Variants in CPNE4 observed in about 807,000 individuals in gnomAD.
The protein encoded by CPNE4 is copine 4.
Under a neutral mutation model 67.9 loss-of-function variants are expected in CPNE4, and 25 were observed. That is an observed-to-expected ratio of 0.37 (90% CI 0.27 to 0.51). CPNE4 has a LOEUF of 0.51. Ranked by LOEUF, CPNE4 falls within the 20% of genes least tolerant of loss-of-function variation. CPNE4 has a pLI of 0.93. For synonymous variants in CPNE4, 242 were observed against 244.9 expected (o/e 0.99, Z 0.11); for missense variants, 464 against 690.8 (o/e 0.67, Z 3.68).
At chr3:131,843,993 G>A (rs906603309) in intron 2 of CPNE4, among the ~76,000 whole-genome samples, 1 of 152,186 alleles carries the variant, frequency 6.6e-6, no homozygotes, top group African/African-American at 2.4e-5. Flanking sequence ...GCTAGAAGAT[G>A]TGGGAAGCAT....
chr3:131,601,385 G>C, intron 7 of CPNE4, among the ~76,000 whole-genome samples: 1 of 152,134 alleles, frequency 6.6e-6, no homozygotes, highest in South Asian at 2.1e-4. Context: ...TGATGATATA[G>C]TGCAGGTGAT....
At chr3:131,671,727 A>T (rs2080423391) in intron 6 of CPNE4, among the ~76,000 whole-genome samples, 1 of 152,134 alleles carries the variant, frequency 6.6e-6, no homozygotes, top group South Asian at 2.1e-4. Flanking sequence ...AGAGGAGAGG[A>T]GGTTCTGGAA....
intron 3 of CPNE4, among the ~76,000 whole-genome samples, chr3:131,714,005 G>C (rs1237721747): frequency 6.6e-6 from 1 of 152,120 alleles, no homozygotes; most frequent in Non-Finnish European, 1.5e-5. Flanking sequence ...TCTGCTTGCA[G>C]TAATTCTGCA....
intron 4 of CPNE4, among the ~76,000 whole-genome samples, chr3:131,697,954 CA>C (rs1216291056): frequency 6.6e-6 from 1 of 151,986 alleles, no homozygotes; most frequent in African/African-American, 2.4e-5. Flanking sequence ...TAAATGGGGC[CA>C]GGGGCAGTGG....
At chr3:131,873,790 G>A (rs796233777) in intron 2 of CPNE4, among the ~76,000 whole-genome samples, 24 of 152,250 alleles carry the variant, frequency 1.6e-4, no homozygotes, top group African/African-American at 4.6e-4. Flanking sequence ...CCAGGACAGC[G>A]GGAAAGTGGT....
chr3:131,545,169 TTTTA>T (rs1390246633), intron 14 of CPNE4, among the ~76,000 whole-genome samples: 1 of 152,228 alleles, frequency 6.6e-6, no homozygotes, highest in Non-Finnish European at 1.5e-5. Flanking sequence ...TCCAATAATA[TTTTA>T]TTTATGGACA....
At chr3:131,890,353 T>C (rs2107739310) in intron 2 of CPNE4, among the ~76,000 whole-genome samples, 1 of 151,136 alleles carries the variant, frequency 6.6e-6, no homozygotes, top group African/African-American at 2.4e-5. Flanking sequence ...ACATCACTCA[T>C]CAGCAAGGAA....
intron 7 of CPNE4, among the ~76,000 whole-genome samples, chr3:131,659,583 T>G (rs1502675): frequency 0.053 from 8,004 of 152,244 alleles, 694 homozygotes; most frequent in East Asian, 0.37. Flanking sequence ...GCAAAGTGTT[T>G]TCCAAAGATG....
chr3:131,574,259 T>C (rs1937483473), intron 10 of CPNE4, among the ~76,000 whole-genome samples: 1 of 152,174 alleles, frequency 6.6e-6, no homozygotes, highest in Non-Finnish European at 1.5e-5. Flanking sequence ...ACGTCCACAT[T>C]GCTTTCCAAA....
At chr3:131,709,667 C>T (rs2081510440) in intron 3 of CPNE4, among the ~76,000 whole-genome samples, 1 of 152,210 alleles carries the variant, frequency 6.6e-6, no homozygotes, top group African/African-American at 2.4e-5. Flanking sequence ...AAATCGTGTG[C>T]TCCTAAGCAA....
intron 1 of CPNE4, among the ~76,000 whole-genome samples, chr3:132,008,317 T>C (rs1583591513): frequency 6.6e-6 from 1 of 152,228 alleles, no homozygotes; most frequent in African/African-American, 2.4e-5. Context: ...GTATCTGTTT[T>C]ATTTAAGGTT....
intron 2 of CPNE4, among the ~76,000 whole-genome samples, chr3:131,773,267 C>T (rs1198043589): frequency 6.6e-6 from 1 of 151,964 alleles, no homozygotes; most frequent in Non-Finnish European, 1.5e-5. Context: ...CAAGGACATA[C>T]CTGTTTTATT....
At chr3:131,676,830 C>T (rs1458849483) in intron 6 of CPNE4, among the ~76,000 whole-genome samples, 1 of 152,054 alleles carries the variant, frequency 6.6e-6, no homozygotes, top group African/African-American at 2.4e-5. Context: ...GTGAATAGTG[C>T]TGCAGTGAAC....
chr3:131,945,294 G>T (rs1477141304), intron 1 of CPNE4, among the ~76,000 whole-genome samples: 1 of 152,154 alleles, frequency 6.6e-6, no homozygotes, highest in Non-Finnish European at 1.5e-5. Context: ...CTTCTCCAGT[G>T]TCACACTCTA....
intron 2 of CPNE4, among the ~76,000 whole-genome samples, chr3:131,855,179 T>C (rs2086390487): frequency 6.6e-6 from 1 of 152,020 alleles, no homozygotes; most frequent in African/African-American, 2.4e-5. Flanking sequence ...TGATTCATTT[T>C]CACTTGTTAG....
At chr3:131,782,112 T>A (rs1039913168) in intron 2 of CPNE4, among the ~76,000 whole-genome samples, 4 of 152,148 alleles carry the variant, frequency 2.6e-5, no homozygotes, top group Non-Finnish European at 4.4e-5. Context: ...TTTCTTTGTT[T>A]CTTCCATTCA....
chr3:131,758,271 C>A (rs1318435605), intron 2 of CPNE4, among the ~76,000 whole-genome samples: 1 of 152,184 alleles, frequency 6.6e-6, no homozygotes, highest in African/African-American at 2.4e-5. Flanking sequence ...AGGGGAAGAG[C>A]TGTCCAAGAC....
At chr3:131,886,636 C>T (rs893397414) in intron 2 of CPNE4, among the ~76,000 whole-genome samples, 11 of 152,196 alleles carry the variant, frequency 7.2e-5, no homozygotes, top group Non-Finnish European at 1.3e-4. Flanking sequence ...GGAGGCTGTA[C>T]CCTGCAAAAC....
intron 7 of CPNE4, among the ~76,000 whole-genome samples, chr3:131,655,280 A>G (rs906416992): frequency 2.0e-5 from 3 of 152,204 alleles, no homozygotes; most frequent in South Asian, 2.1e-4. Context: ...TTAGGACCCA[A>G]TGATGTATGT....
Sources: gnomAD v4.1 joint callset for allele counts (sites outside exome capture counted in the v4.1 genomes callset) on GRCh38, gnomAD v4.1.1 for gene constraint, MANE v1.5 for transcripts, NCBI Gene and HGNC (gene_info 2026-07-23, HGNC 2026-07-21) for gene names.